The following EYA2 variants were observed in gnomAD, a reference collection of about 807,000 sequenced individuals.
The protein encoded by EYA2 is EYA transcriptional coactivator and phosphatase 2.
Under a neutral mutation model 69.2 loss-of-function variants are expected in EYA2, and 31 were observed. The observed-to-expected ratio is 0.45, with a 90% CI of 0.34 to 0.60. The LOEUF (loss-of-function observed/expected upper bound fraction) is 0.60, where lower values mean the gene tolerates loss of function less well. Among genes scored for constraint, EYA2 ranks in the 20% least tolerant of loss-of-function variants. The pLI, the probability that EYA2 is intolerant of heterozygous loss-of-function variation, is 0.02. For missense variants in EYA2, 622 were observed against 701.2 expected, an observed-to-expected ratio of 0.89 and a Z score of 1.28; for synonymous variants, 257 against 279.4, an observed-to-expected ratio of 0.92 and a Z score of 0.80.
chr20:46,942,435 A>T (rs1482170134), intron 1 of EYA2, among the ~76,000 whole-genome samples: 1 of 151,872 alleles, frequency 6.6e-6, no homozygotes, highest in African/African-American at 2.4e-5. Context: ...GGGGGGGAAA[A>T]CTCTCTTAGA....
At chr20:46,951,245 A>C (rs1978775989) in intron 1 of EYA2, among the ~76,000 whole-genome samples, 1 of 152,128 alleles carries the variant, frequency 6.6e-6, no homozygotes, top group Non-Finnish European at 1.5e-5. Flanking sequence ...CCTGATAGAG[A>C]TATCCACAAG....
intron 1 of EYA2, among the ~76,000 whole-genome samples, chr20:46,945,163 T>C (rs984602752): frequency 1.3e-5 from 2 of 152,062 alleles, no homozygotes; most frequent in African/African-American, 4.8e-5. Flanking sequence ...CCTTTCTTTA[T>C]TTGGGTAGCC....
intron 11 of EYA2, among the ~76,000 whole-genome samples, chr20:47,171,122 C>T (rs1179130520): frequency 6.6e-6 from 1 of 152,192 alleles, no homozygotes; most frequent in Non-Finnish European, 1.5e-5. Context: ...ATGAAGTCAT[C>T]GTTGGGAAGC....
At chr20:47,086,968 G>A (rs1432198118) in intron 7 of EYA2, among the ~76,000 whole-genome samples, 2 of 152,148 alleles carry the variant, frequency 1.3e-5, no homozygotes, top group Non-Finnish European at 2.9e-5. Context: ...AAACTACCAA[G>A]TGAACCAGGA....
chr20:47,054,189 T>A (rs141120315), intron 5 of EYA2, among the ~76,000 whole-genome samples: 22 of 152,254 alleles, frequency 1.4e-4, no homozygotes, highest in Non-Finnish European at 2.4e-4. Context: ...ATGGAGATTG[T>A]GAGGCACTGA....
intron 1 of EYA2, among the ~76,000 whole-genome samples, chr20:46,976,646 A>G (rs1004217755): frequency 3.9e-5 from 6 of 152,136 alleles, no homozygotes; most frequent in Non-Finnish European, 8.8e-5. Flanking sequence ...TGGCCTCCCA[A>G]AGTGTTGGGA....
chr20:46,937,354 C>T (rs1458265170), intron 1 of EYA2, among the ~76,000 whole-genome samples: 1 of 152,192 alleles, frequency 6.6e-6, no homozygotes. Context: ...TGTGTCTCAT[C>T]TGTATAGTGG....
At chr20:47,015,420 G>A (rs1012121291) in intron 4 of EYA2, among the ~76,000 whole-genome samples, 14 of 152,276 alleles carry the variant, frequency 9.2e-5, no homozygotes, top group African/African-American at 3.4e-4. Flanking sequence ...CTTGGGATTA[G>A]CAGGTCCCCC....
intron 9 of EYA2, among the ~76,000 whole-genome samples, chr20:47,102,964 A>G (rs1183664277): frequency 2.0e-5 from 3 of 152,206 alleles, no homozygotes; most frequent in African/African-American, 7.2e-5. Context: ...TCTAAAAGAA[A>G]TTAGTCAGCT....
At chr20:46,984,678 C>A (rs1981070490) in intron 1 of EYA2, among the ~76,000 whole-genome samples, 1 of 152,184 alleles carries the variant, frequency 6.6e-6, no homozygotes, top group African/African-American at 2.4e-5. Flanking sequence ...TCTGCTAGTA[C>A]TTGTTCAAGT....
At chr20:47,045,866 A>C (rs1254474382) in intron 5 of EYA2, among the ~76,000 whole-genome samples, 2 of 142,856 alleles carry the variant, frequency 1.4e-5, no homozygotes, top group African/African-American at 4.9e-5. Flanking sequence ...CTCTTATGTA[A>C]CAGTTGGGTG....
At chr20:47,136,596 A>T (rs2033480549) in intron 9 of EYA2, among the ~76,000 whole-genome samples, 1 of 152,090 alleles carries the variant, frequency 6.6e-6, no homozygotes, top group Admixed American at 6.5e-5. Context: ...ATAAAATATA[A>T]GCCAGGTGTG....
intron 9 of EYA2, among the ~76,000 whole-genome samples, chr20:47,139,527 G>A (rs2033550071): frequency 2.0e-5 from 3 of 151,450 alleles, no homozygotes; most frequent in South Asian, 4.2e-4. Context: ...CCTCCTCCTG[G>A]GTTCAAGCAA....
chr20:47,121,969 C>T (rs1419119417), intron 9 of EYA2, among the ~76,000 whole-genome samples: 1 of 152,206 alleles, frequency 6.6e-6, no homozygotes, highest in Non-Finnish European at 1.5e-5. Flanking sequence ...CTGCAGGCCA[C>T]ACCTGGCCCT....
At position 47,172,807 on chromosome 20, in the gene EYA2, C is replaced by T. The variant is rs2034349926; in HGVS notation, c.1138C>T (p.Leu380=). The T allele has an allele frequency of 6.2e-7, 1 of 1,614,054 alleles. No homozygotes were observed. The highest frequency in any genetic ancestry group is 1.7e-5 in the Admixed American group (1 of 60,006). Residue 380 remains leucine (L), a synonymous_variant, in exon 12 of 16, where the codon CTG becomes TTG. Coordinates refer to ENST00000327619, the MANE Select transcript of EYA2 (RefSeq NM_005244.5). The part of the protein sequence containing the change: ...VHGGVDWMRK[L]AFRYRRVKEM... ...CGGCGGCGTGGACTGGATGAGGAAGCTGGCCTTCCGCTACCGGCGGGTGAA... is the reference window on the plus strand; with the variant it reads ...CGGCGGCGTGGACTGGATGAGGAAGTTGGCCTTCCGCTACCGGCGGGTGAA...
At chr20:47,132,524 TCA>T (rs2033367041) in intron 9 of EYA2, among the ~76,000 whole-genome samples, 1 of 152,182 alleles carries the variant, frequency 6.6e-6, no homozygotes, top group African/African-American at 2.4e-5. Context: ...TGGAAAGGAC[TCA>T]CTGCTTATGT....
chr20:47,043,029 A>AC (rs1390578780), intron 5 of EYA2, among the ~76,000 whole-genome samples: 18 of 152,188 alleles, frequency 1.2e-4, no homozygotes, highest in Admixed American at 1.2e-3. Context: ...CCATTAGGCG[A>AC]CTGTAAATAC....
chr20:47,091,118 C>A (rs1020845242), intron 8 of EYA2, among the ~76,000 whole-genome samples: 1 of 152,098 alleles, frequency 6.6e-6, no homozygotes, highest in African/African-American at 2.4e-5. Flanking sequence ...AGAAAGATCA[C>A]CTTTGTCATT....
At chr20:47,158,901 A>G (rs1342568468) in intron 10 of EYA2, among the ~76,000 whole-genome samples, 1 of 152,040 alleles carries the variant, frequency 6.6e-6, no homozygotes, top group Non-Finnish European at 1.5e-5. Context: ...CAAATCTGGA[A>G]CAATAAATAA....
Sources: gnomAD v4.1 joint callset for allele counts (sites outside exome capture counted in the v4.1 genomes callset) on GRCh38, gnomAD v4.1.1 for gene constraint, MANE v1.5 for transcripts, NCBI Gene and HGNC (gene_info 2026-07-23, HGNC 2026-07-21) for gene names.